ABAT: variants seen among roughly 807,000 people sequenced by gnomAD.
The protein encoded by ABAT is 4-aminobutyrate aminotransferase.
ABAT carries 45 observed loss-of-function variants against 64.6 expected under a neutral mutation model. The observed-to-expected ratio is 0.70, with a 90% CI of 0.55 to 0.89. ABAT has a LOEUF of 0.89. Ranked by LOEUF, ABAT falls within the 40% of genes least tolerant of loss-of-function variation. ABAT has a pLI of 0.00. For synonymous variants in ABAT, 297 were observed against 250.5 expected, an observed-to-expected ratio of 1.19 and a Z score of -1.75; for missense variants, 633 against 658.4, an observed-to-expected ratio of 0.96 and a Z score of 0.42.
intron 1 of ABAT, among the ~76,000 whole-genome samples, chr16:8,682,566 A>C (rs1048356856): frequency 1.3e-5 from 2 of 151,450 alleles, no homozygotes; most frequent in African/African-American, 4.9e-5. Flanking sequence ...AATGCTCCCA[A>C]CTCTATTTCC....
chr16:8,772,984 G>T (rs2060158471), intron 12 of ABAT, 67 bp downstream of exon 12: 1 of 1,603,796 alleles, frequency 6.2e-7, no homozygotes, highest in Non-Finnish European at 8.5e-7. Flanking sequence ...CCGAGTAACG[G>T]GCCAGCAGCA....
At chr16:8,757,075 G>A (rs1027898419) in intron 5 of ABAT, 98 of 438,664 alleles carry the variant, frequency 2.2e-4, no homozygotes, top group Admixed American at 2.6e-5. Flanking sequence ...TGGGAAGGAA[G>A]GTGAGGATCC....
rs1451310647 is a variant in ABAT, at chr16:8,735,715, G to T, written c.-25G>T. On this transcript the variant is annotated 5_prime_UTR_variant, in exon 2 of 16. In the 5' UTR this introduces an upstream ATG that the reference lacks. Coordinates refer to ENST00000268251, the MANE Select transcript of ABAT (RefSeq NM_020686.6). ...TTCTTTCAGGGTGGCAGCACGCAAA[G>T]GGTGTCCCTGTCCCTCAAGGGGTCA... The T allele has an allele frequency of 5.7e-6, 9 of 1,582,214 alleles. No individual in the cohort carries two copies. The Admixed American group carries it at 9.1e-5, about 16-fold the overall frequency.
chr16:8,716,287 T>A lies in ABAT; in HGVS notation c.-41-19412T>A, dbSNP rs571610101. Among the ~76,000 whole-genome samples the A allele has an allele frequency of 5.3e-5, 8 of 152,256 alleles. No homozygotes were observed. In the South Asian group the frequency reaches 1.7e-3, roughly 32 times the overall value. The stretch of plus-strand genomic sequence containing the variant: ...TCACTTAACCTCTCTGTGATCTGTT[T>A]CCTTTTTTCTTTTTTTTGCTACGAG... On this transcript the variant is annotated intron_variant, in intron 1 of 15. Coordinates refer to ENST00000268251, the MANE Select transcript of ABAT (RefSeq NM_020686.6).
intron 6 of ABAT, among the ~76,000 whole-genome samples, chr16:8,759,268 G>A (rs2059730542): frequency 6.6e-6 from 1 of 151,796 alleles, no homozygotes; most frequent in African/African-American, 2.4e-5. Context: ...TATTTTCCTA[G>A]TTGTTCCCTA....
chr16:8,779,403 A>T, intron 14 of ABAT, 76 bp from the exon 15 acceptor site: 1 of 1,295,896 alleles, frequency 7.7e-7, no homozygotes, highest in African/African-American at 1.5e-5. Flanking sequence ...GAGGCCTTTG[A>T]CGAAGCACAG....
chr16:8,730,940 G>A (rs2058700475), intron 1 of ABAT, among the ~76,000 whole-genome samples: 1 of 152,140 alleles, frequency 6.6e-6, no homozygotes, highest in East Asian at 1.9e-4. Context: ...CTCATTAATT[G>A]TTTATTTATC....
In ABAT at chr16:8,735,661, C is replaced by T. The variant is rs1476901651; in HGVS notation, c.-41-38C>T. Reference sequence around the variant, plus strand: ...GATCTTTGGCTGAGAGGGGAGTGGTCTTCATGGGCCTAAGTCTGCATTTCT... The same window carrying T: ...GATCTTTGGCTGAGAGGGGAGTGGTTTTCATGGGCCTAAGTCTGCATTTCT... On this transcript the variant is annotated intron_variant, in intron 1 of 15. Coordinates refer to ENST00000268251, the MANE Select transcript of ABAT (RefSeq NM_020686.6). The T allele has an allele frequency of 2.0e-6, 3 of 1,523,188 alleles. No individual in the cohort carries two copies. In the Admixed American group the frequency reaches 5.9e-5, roughly 30 times the overall value. The allele number at this position is 1,523,188 out of a possible 1,614,324, so 94.4% of individuals were successfully genotyped here. A position where few individuals can be genotyped will look rare whatever the true frequency, so the allele number is the denominator to read the frequency against.
At chr16:8,708,400 C>G (rs2057996280) in intron 1 of ABAT, among the ~76,000 whole-genome samples, 1 of 152,102 alleles carries the variant, frequency 6.6e-6, no homozygotes, top group Non-Finnish European at 1.5e-5. Context: ...GTGCACACCA[C>G]CACACCTAGC....
intron 1 of ABAT, among the ~76,000 whole-genome samples, chr16:8,679,056 C>A (rs577709113): frequency 9.5e-4 from 145 of 152,110 alleles, no homozygotes; most frequent in Non-Finnish European, 1.9e-3. Flanking sequence ...CCTTGTCTCA[C>A]GTCTGCGATC....
chr16:8,728,767 G>C (rs757002570), intron 1 of ABAT, among the ~76,000 whole-genome samples: 3 of 152,056 alleles, frequency 2.0e-5, no homozygotes, highest in Non-Finnish European at 4.4e-5. Flanking sequence ...CCAGCTACTC[G>C]GGAGGCTGAG....
At chr16:8,732,206 TTTG>T (rs770005636) in intron 1 of ABAT, among the ~76,000 whole-genome samples, 978 of 26,180 alleles carry the variant, frequency 0.037, 18 homozygotes, top group East Asian at 0.13. Context: ...GTTTTTTTTT[TTTG>T]TTTGTTTGTT....
intron 1 of ABAT, among the ~76,000 whole-genome samples, chr16:8,681,391 T>C (rs1472935246): frequency 6.6e-6 from 1 of 151,864 alleles, no homozygotes; most frequent in African/African-American, 2.4e-5. Flanking sequence ...CTTGTGATCC[T>C]GGGAATACCA....
intron 5 of ABAT, among the ~76,000 whole-genome samples, chr16:8,753,892 T>TC (rs1233331479): frequency 2.0e-5 from 3 of 152,126 alleles, no homozygotes; most frequent in East Asian, 1.9e-4. Flanking sequence ...GCAGAAAGTC[T>TC]CCCCTGGGTG....
chr16:8,684,433 C>A (rs912498526), intron 1 of ABAT, among the ~76,000 whole-genome samples: 4 of 152,060 alleles, frequency 2.6e-5, no homozygotes, highest in African/African-American at 9.7e-5. Context: ...ATTAGCCGGG[C>A]ATGGTGATGC....
chr16:8,688,824 T>C (rs1453835287), intron 1 of ABAT, among the ~76,000 whole-genome samples: 1 of 152,204 alleles, frequency 6.6e-6, no homozygotes, highest in East Asian at 1.9e-4. Context: ...ACACCTGTAA[T>C]CCCAACACTT....
intron 1 of ABAT, among the ~76,000 whole-genome samples, chr16:8,732,196 G>GACAGGAATCATGCAGTATCTGACC (rs2058742195): frequency 5.3e-5 from 1 of 18,716 alleles, no homozygotes; most frequent in African/African-American, 1.0e-4. Context: ...GGTTTTTTTT[G>GACAGGAATCATGCAGTATCTGACC]TTTTTTTTTT....
chr16:8,767,058 T>A (rs2059966604), intron 9 of ABAT, among the ~76,000 whole-genome samples: 1 of 152,176 alleles, frequency 6.6e-6, no homozygotes, highest in Non-Finnish European at 1.5e-5. Context: ...TCTCAGGGAA[T>A]TGGTGCTCAA....
intron 1 of ABAT, among the ~76,000 whole-genome samples, chr16:8,712,011 G>A (rs1420055832): frequency 6.6e-6 from 1 of 151,592 alleles, no homozygotes; most frequent in African/African-American, 2.4e-5. Flanking sequence ...AGGTCGGGGG[G>A]GAGGGGCAGA....
Sources: allele counts gnomAD v4.1 joint callset (sites outside exome capture counted in the v4.1 genomes callset), GRCh38; gene constraint gnomAD v4.1.1; transcripts MANE v1.5; gene names NCBI Gene and HGNC (gene_info 2026-07-23, HGNC 2026-07-21).